TRRAP: variants seen among roughly 807,000 people sequenced by gnomAD.
TRRAP encodes the protein transformation/transcription domain-associated protein.
Under a neutral mutation model 438.8 loss-of-function variants are expected in TRRAP, and 41 were observed. That is an observed-to-expected ratio of 0.09 (90% CI 0.07 to 0.12). TRRAP has a LOEUF of 0.12. Among genes scored for constraint, TRRAP ranks in the 10% least tolerant of loss-of-function variants. TRRAP has a pLI of 1.00. For missense variants in TRRAP, 3,122 were observed against 5,055.1 expected (o/e 0.62, Z 11.60); for synonymous variants, 1,994 against 1,962.9 (o/e 1.02, Z -0.42).
In TRRAP at chr7:98,949,730, G is replaced by A. The variant is rs782799135; in HGVS notation, c.5024G>A (p.Arg1675Gln). 6 of 1,613,886 alleles carry A rather than the reference G, an allele frequency of 3.7e-6. No homozygotes were observed. Among genetic ancestry groups the A allele is most frequent in the Admixed American group, 3.3e-5 (2 of 60,014 alleles). The change falls in exon 37 of 73, where the codon CGA becomes CAA. Residue 1675 changes from arginine (R) to glutamine (Q), a missense_variant. Coordinates refer to ENST00000456197, the MANE Select transcript of TRRAP (RefSeq NM_001375524.1). ...CAGCACTCTCTGGTGAGCCAGTTGC[G>A]ACGTGTGTGGGTGAGTGAGAACTTC... ...ASQHSLVSQL[R>Q]RVWVSENFQE...
chr7:98,955,935 G>T (rs117543148), intron 41 of TRRAP, among the ~76,000 whole-genome samples: 1 of 152,256 alleles, frequency 6.6e-6, no homozygotes, highest in East Asian at 1.9e-4. Context: ...GATGTAGTTG[G>T]GGTGGGGGAG....
Position 98,988,637 on chromosome 7 carries a change from G to A in TRRAP, c.9390-128G>A, listed in dbSNP as rs894978348. On this transcript the variant is annotated intron_variant, in intron 62 of 72. Transcript: ENST00000456197. ...GGGGTTCAGAGCGACTGCTTATGGG[G>A]CGGTTGCACAACATTGTGAATGGAC... The A allele has an allele frequency of 1.0e-5, 11 of 1,077,420 alleles. No homozygotes were observed. The African/African-American group carries it at 1.7e-4, about 17-fold the overall frequency. The allele number at this position is 1,077,420 out of a possible 1,614,324, so 66.7% of individuals were successfully genotyped here. A position where few individuals can be genotyped will look rare whatever the true frequency, so the allele number is the denominator to read the frequency against.
chr7:99,004,967 T>C (rs1794094756), intron 68 of TRRAP, among the ~76,000 whole-genome samples, 164 bp from the exon 69 acceptor site: 1 of 152,082 alleles, frequency 6.6e-6, no homozygotes, highest in African/African-American at 2.4e-5. Context: ...TGTGACTCAT[T>C]TACACCGCAT....
intron 12 of TRRAP, among the ~76,000 whole-genome samples, chr7:98,904,573 C>T (rs1246620076): frequency 6.6e-6 from 1 of 151,762 alleles, no homozygotes; most frequent in African/African-American, 2.4e-5. Flanking sequence ...CTTCTGAAGG[C>T]ATAAAGCTTG....
At position 98,967,171 on chromosome 7, in the gene TRRAP, A is replaced by G. The variant is rs1792194160; in HGVS notation, c.7298+9A>G. 2 of 1,611,970 alleles carry G rather than the reference A, an allele frequency of 1.2e-6. No individual in the cohort carries two copies. The highest frequency in any genetic ancestry group is 1.7e-6 in the Non-Finnish European group (2 of 1,179,194). On this transcript the variant is annotated intron_variant, in intron 50 of 72. Transcript: ENST00000456197. ...GTTAACTATGTCTACAGGTAATTAC[A>G]GCAATTAATCAAGTACTACATATAT...
Position 99,011,328 on chromosome 7 carries a change from T to C in TRRAP, c.11143-13T>C, listed in dbSNP as rs996817273. 12 of 1,613,256 alleles carry C rather than the reference T, an allele frequency of 7.4e-6. 1 individual carries two copies. The Middle Eastern group carries it at 6.6e-4, about 88-fold the overall frequency. On this transcript the variant is annotated splice_polypyrimidine_tract_variant and intron_variant, in intron 71 of 72. Transcript: ENST00000456197. The surrounding 1 kb of genome is among the most constrained non-coding windows in gnomAD (Gnocchi z 7.1). ...CTGCTGAAGTTCCTAAAGTGTCTCC[T>C]TCTGAAATTTAGGACACTGGCAAAC...
intron 64 of TRRAP, among the ~76,000 whole-genome samples, chr7:98,991,687 C>G (rs1238659881): frequency 6.6e-6 from 1 of 152,260 alleles, no homozygotes; most frequent in Non-Finnish European, 1.5e-5. Flanking sequence ...GGACATCCCT[C>G]CATCTCCTCC....
chr7:98,909,654 G>T (rs1264567359), intron 14 of TRRAP, among the ~76,000 whole-genome samples: 1 of 152,216 alleles, frequency 6.6e-6, no homozygotes, highest in Non-Finnish European at 1.5e-5. Context: ...AGCCCCAGGG[G>T]TGGTGGCGGG....
intron 38 of TRRAP, 39 bp from the exon 39 acceptor site, chr7:98,950,837 C>G (rs375103689): frequency 1.5e-4 from 230 of 1,488,474 alleles, no homozygotes; most frequent in Non-Finnish European, 2.0e-4. Context: ...AACAGCATGG[C>G]TTTGTTTTTC....
At chr7:98,925,380 G>A (rs1790000867) in intron 22 of TRRAP, 117 bp downstream of exon 22, 2 of 1,403,954 alleles carry the variant, frequency 1.4e-6, no homozygotes, top group Non-Finnish European at 1.9e-6. Context: ...TCCAGCAGAT[G>A]CCATATTATC....
rs28638430 is a variant in TRRAP at position 99,009,837 on chromosome 7, C to T, written c.10939-1215C>T. Among the ~76,000 whole-genome samples, 4 of 151,818 alleles carry T rather than the reference C, an allele frequency of 2.6e-5. No homozygotes were observed. The South Asian group carries it at 6.2e-4, about 24-fold the overall frequency. On this transcript the variant is annotated intron_variant, in intron 70 of 72. Transcript: ENST00000456197. ...GAATCCAGCTTCAGAGCCGCTTCCT[C>T]CTCTTGTTTATTTTGTTATTTATTC... is the stretch of plus-strand genomic sequence containing the variant.
chr7:99,000,229 G>A (rs1793853907), intron 67 of TRRAP, among the ~76,000 whole-genome samples: 1 of 152,060 alleles, frequency 6.6e-6, no homozygotes, highest in Non-Finnish European at 1.5e-5. Context: ...GGCTGGTTTT[G>A]AACTCCTGAC....
At position 98,999,982 on chromosome 7, in the gene TRRAP, G is replaced by A. The variant is rs560496584; in HGVS notation, c.10310-4208G>A. On this transcript the variant is annotated intron_variant, in intron 67 of 72. Transcript: ENST00000456197. ...ATCAGAAAAAAAGGATGTCAGCACC[G>A]CAATCTGTATTTCAGTTTGTTTATT... is the stretch of plus-strand genomic sequence containing the variant. 6.4e-4 allele frequency: 126 copies of A among 197,220 alleles called. 1 individual carries two copies. Among genetic ancestry groups the A allele is most frequent in the African/African-American group, 2.9e-3 (119 of 41,388 alleles). The allele number at this position is 197,220 out of a possible 1,614,324, so 12.2% of individuals were successfully genotyped here. A position where few individuals can be genotyped will look rare whatever the true frequency, so the allele number is the denominator to read the frequency against.
At chr7:98,986,851 G>C (rs1793170740) in intron 62 of TRRAP, among the ~76,000 whole-genome samples, 1 of 152,124 alleles carries the variant, frequency 6.6e-6, no homozygotes, top group Non-Finnish European at 1.5e-5. Context: ...TTGGGTCTCT[G>C]ATCCATTTTG....
At chr7:98,924,820 A>G (rs1789966628) in intron 21 of TRRAP, among the ~76,000 whole-genome samples, 1 of 150,922 alleles carries the variant, frequency 6.6e-6, no homozygotes, top group African/African-American at 2.4e-5. Context: ...TGGCTAACAC[A>G]GTGAAACCCC....
chr7:98,980,876 AC>A (rs1341339523), intron 58 of TRRAP, among the ~76,000 whole-genome samples: 1 of 151,760 alleles, frequency 6.6e-6, no homozygotes, highest in Non-Finnish European at 1.5e-5. Flanking sequence ...TAACAGCAAG[AC>A]CCCCGTTTCT....
intron 65 of TRRAP, 70 bp downstream of exon 65, chr7:98,992,297 C>T (rs1793460282): frequency 2.0e-6 from 3 of 1,502,782 alleles, no homozygotes; most frequent in Admixed American, 1.7e-5. Context: ...CACATCCAGA[C>T]AGACCACCGC....
chr7:98,992,350 T>C (rs1242383677), intron 65 of TRRAP, 123 bp downstream of exon 65: 9 of 981,068 alleles, frequency 9.2e-6, no homozygotes, highest in African/African-American at 1.6e-5. Flanking sequence ...GTGGCCAATC[T>C]CTCCTCAGTG....
At chr7:99,008,076 G>GCTCA (rs1171420560) in intron 69 of TRRAP, among the ~76,000 whole-genome samples, 5 of 152,072 alleles carry the variant, frequency 3.3e-5, no homozygotes, top group Non-Finnish European at 5.9e-5. Flanking sequence ...CGCCCACTGT[G>GCTCA]GCCTCCCAAA....
Sources: gnomAD v4.1 joint callset for allele counts (sites outside exome capture counted in the v4.1 genomes callset) on GRCh38, gnomAD v4.1.1 for gene constraint, Gnocchi (gnomAD v3.1) non-coding constraint, MANE v1.5 for transcripts, NCBI Gene and HGNC (gene_info 2026-07-23, HGNC 2026-07-21) for gene names.